Variants in ABCA8 observed in about 807,000 individuals in gnomAD.
ABCA8 encodes ABC-type organic anion transporter ABCA8.
In ABCA8, 177 loss-of-function variants were observed where a neutral mutation model predicts 192.3. That is an observed-to-expected ratio of 0.92 (90% confidence interval 0.81 to 1.04). ABCA8 has a LOEUF of 1.04. Ranked by LOEUF, ABCA8 falls within the 50% of genes least tolerant of loss-of-function variation. The probability of loss-of-function intolerance (pLI) is 0.00; values close to 1 mark genes in which losing one functional copy is unlikely to be tolerated. For synonymous variants in ABCA8, 642 were observed against 690.2 expected, an observed-to-expected ratio of 0.93 and a Z score of 1.09; for missense variants, 1,915 against 1,904.8, an observed-to-expected ratio of 1.01 and a Z score of -0.10.
intron 21 of ABCA8, among the ~76,000 whole-genome samples, chr17:68,898,519 G>C (rs1004062091): frequency 6.6e-6 from 1 of 152,082 alleles, no homozygotes; most frequent in African/African-American, 2.4e-5. Context: ...CAAGTGAAAA[G>C]GCCAAAGAGG....
chr17:68,875,000 T>C (rs2066161410), intron 37 of ABCA8, among the ~76,000 whole-genome samples: 1 of 152,206 alleles, frequency 6.6e-6, no homozygotes, highest in Non-Finnish European at 1.5e-5. Context: ...TTTACTGGAA[T>C]AGCTATGTCT....
At chr17:68,884,974 C>A in intron 27 of ABCA8, 4 of 631,182 alleles carry the variant, frequency 6.3e-6, no homozygotes, top group Non-Finnish European at 7.9e-6. Context: ...TCCCACTACC[C>A]CTTACCCTTC....
chr17:68,895,929 T>G (rs1284365225), intron 21 of ABCA8, among the ~76,000 whole-genome samples: 3 of 150,116 alleles, frequency 2.0e-5, no homozygotes, highest in Admixed American at 1.3e-4. Context: ...TAGGGCAGAG[T>G]TTCCACGACA....
chr17:68,894,092 C>A (rs1190893313), intron 23 of ABCA8, 81 bp downstream of exon 23: 16 of 1,473,378 alleles, frequency 1.1e-5, no homozygotes, highest in Non-Finnish European at 1.4e-5. Context: ...TCAATAAAAA[C>A]AAGATTCCAG....
intron 5 of ABCA8, 80 bp from the exon 6 acceptor site, chr17:68,933,351 A>G: frequency 1.1e-6 from 1 of 900,436 alleles, no homozygotes. Context: ...TGATTATAGC[A>G]AACAGTGGAC....
rs749509922 is a variant in ABCA8, at chr17:68,911,675, T to C, written c.2139-3796A>G. Among the ~76,000 whole-genome samples, 28 of 151,640 alleles carry C rather than the reference T, an allele frequency of 1.8e-4. No homozygotes were observed. Among genetic ancestry groups the C allele is most frequent in the Non-Finnish European group, 3.7e-4 (25 of 67,926 alleles). On this transcript the variant is annotated intron_variant, in intron 17 of 39. Transcript: ENST00000586539. The surrounding 1 kb of genome is among the most constrained non-coding windows in gnomAD (Gnocchi z 5.7). ...CTTTAGATCTGACCCAGCATAATCC[T>C]AGTGGTGGTGGCCACAGGGGTGCTT...
At chr17:68,875,018 A>T (rs2066162213) in intron 37 of ABCA8, among the ~76,000 whole-genome samples, 1 of 152,180 alleles carries the variant, frequency 6.6e-6, no homozygotes, top group Admixed American at 6.5e-5. Flanking sequence ...TCTACGGTGA[A>T]AAGTCTCTGT....
chr17:68,903,019 CT>C lies in ABCA8; in HGVS notation c.2598-141del, dbSNP rs901463646. 2.5e-5 allele frequency: 20 copies of C among 814,014 alleles called. No individual in the cohort carries two copies. The African/African-American group carries it at 3.5e-4, about 14-fold the overall frequency. The allele number at this position is 814,014 out of a possible 1,614,324, so 50.4% of individuals were successfully genotyped here. A position where few individuals can be genotyped will look rare whatever the true frequency, so the allele number is the denominator to read the frequency against. On this transcript the variant is annotated intron_variant, in intron 20 of 39. Coordinates refer to ENST00000586539, the MANE Select transcript of ABCA8 (RefSeq NM_001288985.2). ...TGTCACATTTCTTGAGTATTTTGTC[CT>C]TTTACTAACTCCAAATTCAAGATGT... is the stretch of plus-strand genomic sequence containing the variant.
chr17:68,875,830 T>C, intron 35 of ABCA8, 97 bp from the exon 36 acceptor site: 1 of 1,390,578 alleles, frequency 7.2e-7, no homozygotes, highest in African/African-American at 1.4e-5. Context: ...GTGTGAATAA[T>C]TAGCAAAAAG....
intron 30 of ABCA8, 37 bp downstream of exon 30, chr17:68,882,562 G>T (rs1412991890): frequency 8.9e-6 from 14 of 1,573,270 alleles, no homozygotes; most frequent in South Asian, 1.2e-5. Flanking sequence ...TAGACTGGTA[G>T]ACTGACTAAT....
In ABCA8 at chr17:68,932,368, A is replaced by T; in HGVS notation, c.717T>A (p.Tyr239Ter). 6.2e-7 allele frequency: 1 copy of T among 1,614,076 alleles called. No individual in the cohort carries two copies. The highest frequency in any genetic ancestry group is 8.5e-7 in the Non-Finnish European group (1 of 1,179,900). ...TCTCTCTTGTGACATTAACAGATGC[A>T]TAGTAAATGAATGAGGAAAATGAAA... The part of the protein sequence containing the change: ...CIISFSSFIY[Y>*]ASVNVTRERK... The change falls in exon 7 of 40, where the codon TAT becomes TAA. Residue 239 changes from tyrosine to a stop codon, truncating the protein, a stop_gained. Transcript: ENST00000586539. LOFTEE classifies it high-confidence loss of function.
intron 35 of ABCA8, 115 bp downstream of exon 35, chr17:68,876,345 T>C: frequency 2.6e-6 from 3 of 1,166,488 alleles, no homozygotes; most frequent in Non-Finnish European, 3.7e-6. Flanking sequence ...GTGACATTGA[T>C]AGTTTTTTTG....
At chr17:68,925,005 T>C (rs1019923467) in intron 10 of ABCA8, 136 bp from the exon 11 acceptor site, 1 of 767,430 alleles carries the variant, frequency 1.3e-6, no homozygotes, top group African/African-American at 1.8e-5. Flanking sequence ...ATGCACGTTT[T>C]GACACATGTA....
In ABCA8 at chr17:68,932,408, AG is replaced by A. The variant is rs2067923217; in HGVS notation, c.676del (p.Leu226PhefsTer26). 1.2e-6 allele frequency: 2 copies of A among 1,613,888 alleles called. No homozygotes were observed. Among genetic ancestry groups the A allele is most frequent in the Non-Finnish European group, 1.7e-6 (2 of 1,179,740 alleles). ...GGAAAATGAAATAATGCAGGAAAAA[AG>A]GTACAAATCAGTTATAACTCCTGAT... The part of the protein sequence containing the change: ...GQSGVITDLY[L>X]FSCIISFSSF... On this transcript the variant is annotated frameshift_variant, in exon 7 of 40. Coordinates refer to ENST00000586539, the MANE Select transcript of ABCA8 (RefSeq NM_001288985.2). LOFTEE classifies it high-confidence loss of function.
chr17:68,932,225 C>A, intron 7 of ABCA8, 63 bp downstream of exon 7: 1 of 1,250,076 alleles, frequency 8.0e-7, no homozygotes, highest in South Asian at 1.4e-5. Flanking sequence ...AAAAAAGATG[C>A]ATTGAAGATT....
At chr17:68,952,412 G>A (rs2068592410) in intron 1 of ABCA8, among the ~76,000 whole-genome samples, 1 of 152,084 alleles carries the variant, frequency 6.6e-6, no homozygotes, top group Admixed American at 6.6e-5. Context: ...TAGAGATGGG[G>A]TTTCACCTTG....
chr17:68,932,681 C>T (rs2067937916), intron 6 of ABCA8, among the ~76,000 whole-genome samples, 167 bp from the exon 7 acceptor site: 2 of 152,146 alleles, frequency 1.3e-5, no homozygotes, highest in African/African-American at 4.8e-5. Flanking sequence ...CCTCGGAGTC[C>T]AGGCATTTTG....
At chr17:68,955,103 T>A (rs1330376592) in intron 1 of ABCA8, 116 bp downstream of exon 1, 1 of 152,218 alleles carries the variant, frequency 6.6e-6, no homozygotes, top group African/African-American at 2.4e-5. Flanking sequence ...GTCATTCAGT[T>A]TATAAAGGTT....
intron 31 of ABCA8, among the ~76,000 whole-genome samples, chr17:68,881,563 T>G (rs931777647): frequency 1.3e-5 from 2 of 152,244 alleles, no homozygotes; most frequent in Non-Finnish European, 2.9e-5. Flanking sequence ...CACATCTTGG[T>G]TCTCTTGTGA....
Sources: gnomAD v4.1 joint callset for allele counts (sites outside exome capture counted in the v4.1 genomes callset) on GRCh38, gnomAD v4.1.1 for gene constraint, Gnocchi (gnomAD v3.1) non-coding constraint, MANE v1.5 for transcripts, NCBI Gene and HGNC (gene_info 2026-07-23, HGNC 2026-07-21) for gene names.